FBXL7: variants seen among roughly 807,000 people sequenced by gnomAD.
FBXL7 encodes the protein F-box/LRR-repeat protein 7.
In FBXL7, 12 loss-of-function variants were observed where a neutral mutation model predicts 38.3. That is an observed-to-expected ratio of 0.31 (90% confidence interval 0.20 to 0.51). The LOEUF is 0.51. FBXL7 is among the 20% of genes least tolerant of loss of function. The probability of loss-of-function intolerance (pLI) is 0.98; values close to 1 mark genes in which losing one functional copy is unlikely to be tolerated. For missense variants in FBXL7, 567 were observed against 676.4 expected (o/e 0.84, Z 1.79); for synonymous variants, 297 against 300.9 (o/e 0.99, Z 0.13).
At chr5:15,534,374 A>ACTG (rs1554004141) in intron 1 of FBXL7, among the ~76,000 whole-genome samples, 1 of 152,110 alleles carries the variant, frequency 6.6e-6, no homozygotes, top group Non-Finnish European at 1.5e-5. Flanking sequence ...TGCCCTCTCC[A>ACTG]TTTTGCCTTT....
intron 2 of FBXL7, among the ~76,000 whole-genome samples, chr5:15,819,907 T>C (rs1179004054): frequency 6.6e-6 from 1 of 152,176 alleles, no homozygotes; most frequent in Admixed American, 6.5e-5. Context: ...TCATCTTCAG[T>C]GGTAGAATAC....
At chr5:15,918,461 T>G (rs1741656963) in intron 2 of FBXL7, among the ~76,000 whole-genome samples, 1 of 152,226 alleles carries the variant, frequency 6.6e-6, no homozygotes, top group Non-Finnish European at 1.5e-5. Context: ...ATTTCAAAAG[T>G]GCATTCTGTA....
At chr5:15,550,360 G>A (rs541621270) in intron 1 of FBXL7, among the ~76,000 whole-genome samples, 42 of 152,296 alleles carry the variant, frequency 2.8e-4, no homozygotes, top group African/African-American at 9.6e-4. Context: ...CTGAGATGGT[G>A]TGATTGGTAG....
intron 1 of FBXL7, among the ~76,000 whole-genome samples, chr5:15,560,889 A>T (rs191916115): frequency 2.0e-4 from 31 of 152,306 alleles, no homozygotes; most frequent in Admixed American, 1.4e-3. Context: ...ATTGACTCAT[A>T]CTGTCTTCTT....
chr5:15,631,372 G>C (rs749954540), intron 2 of FBXL7, among the ~76,000 whole-genome samples: 1 of 152,094 alleles, frequency 6.6e-6, no homozygotes, highest in Non-Finnish European at 1.5e-5. Flanking sequence ...CCTTGGTGTC[G>C]TGAAAATATA....
At chr5:15,786,176 G>A (rs763859595) in intron 2 of FBXL7, among the ~76,000 whole-genome samples, 5 of 152,252 alleles carry the variant, frequency 3.3e-5, no homozygotes, top group Middle Eastern at 3.4e-3. Context: ...CGTTTCTACC[G>A]GTGGGTGAAT....
intron 2 of FBXL7, among the ~76,000 whole-genome samples, chr5:15,684,856 AAGTT>A (rs1260655046): frequency 6.6e-6 from 1 of 152,206 alleles, no homozygotes; most frequent in African/African-American, 2.4e-5. Context: ...ACTCAGTAGA[AAGTT>A]AGAGAAAATG....
chr5:15,740,428 T>C (rs1017234725), intron 2 of FBXL7, among the ~76,000 whole-genome samples: 1 of 152,202 alleles, frequency 6.6e-6, no homozygotes, highest in Non-Finnish European at 1.5e-5. Context: ...AAATGAACTA[T>C]CTTTAAAAAA....
chr5:15,721,035 TA>T (rs2126652204), intron 2 of FBXL7, among the ~76,000 whole-genome samples: 1 of 152,282 alleles, frequency 6.6e-6, no homozygotes, highest in African/African-American at 2.4e-5. Flanking sequence ...TTTTACTCTT[TA>T]AAAAGATCAC....
chr5:15,836,681 G>A (rs202231990), intron 2 of FBXL7, among the ~76,000 whole-genome samples: 6 of 152,156 alleles, frequency 3.9e-5, no homozygotes, highest in East Asian at 1.9e-4. Flanking sequence ...AACTGAGTTC[G>A]GGAGGCAATA....
intron 2 of FBXL7, among the ~76,000 whole-genome samples, chr5:15,658,896 T>C (rs1561073268): frequency 6.6e-6 from 1 of 152,050 alleles, no homozygotes; most frequent in African/African-American, 2.4e-5. Context: ...TGCCTTTTGG[T>C]CTTTACTTCT....
chr5:15,787,112 G>A (rs1737151320), intron 2 of FBXL7, among the ~76,000 whole-genome samples: 1 of 152,210 alleles, frequency 6.6e-6, no homozygotes, highest in Admixed American at 6.5e-5. Context: ...AGCCTTCCCA[G>A]GGAGTGCCGC....
At chr5:15,656,140 A>G (rs768312736) in intron 2 of FBXL7, among the ~76,000 whole-genome samples, 1 of 152,216 alleles carries the variant, frequency 6.6e-6, no homozygotes, top group South Asian at 2.1e-4. Context: ...TGCAATAGAA[A>G]CTGGAACTAT....
chr5:15,815,620 C>T (rs1028995806), intron 2 of FBXL7, among the ~76,000 whole-genome samples: 13 of 152,098 alleles, frequency 8.5e-5, no homozygotes, highest in Admixed American at 6.6e-5. Context: ...CTATTTAGGA[C>T]AGGACAATTT....
At chr5:15,905,332 A>G (rs1355697672) in intron 2 of FBXL7, among the ~76,000 whole-genome samples, 1 of 152,158 alleles carries the variant, frequency 6.6e-6, no homozygotes, top group Non-Finnish European at 1.5e-5. Flanking sequence ...AACCATTTTA[A>G]AAGATGTGGT....
chr5:15,857,500 C>T (rs1487433925), intron 2 of FBXL7, among the ~76,000 whole-genome samples: 1 of 152,198 alleles, frequency 6.6e-6, no homozygotes, highest in South Asian at 2.1e-4. Context: ...ATGCTCTTCA[C>T]TTGCATGCTA....
intron 1 of FBXL7, among the ~76,000 whole-genome samples, chr5:15,530,033 C>G (rs947095985): frequency 7.9e-5 from 12 of 152,136 alleles, no homozygotes; most frequent in Non-Finnish European, 1.5e-5. Context: ...GTGTTTGGAA[C>G]TGTAGCAGGA....
At chr5:15,632,823 C>T (rs1056464663) in intron 2 of FBXL7, among the ~76,000 whole-genome samples, 9 of 151,982 alleles carry the variant, frequency 5.9e-5, no homozygotes, top group South Asian at 2.1e-4. Context: ...TGAGTACTCA[C>T]GGACATAAAG....
chr5:15,781,456 C>T (rs541528889), intron 2 of FBXL7, among the ~76,000 whole-genome samples: 69 of 149,738 alleles, frequency 4.6e-4, no homozygotes, highest in South Asian at 1.3e-3. Flanking sequence ...TGTGCGCGCG[C>T]GTGTGTGTGT....
Sources: allele counts gnomAD v4.1 joint callset (sites outside exome capture counted in the v4.1 genomes callset), GRCh38; gene constraint gnomAD v4.1.1; transcripts MANE v1.5; gene names NCBI Gene and HGNC (gene_info 2026-07-23, HGNC 2026-07-21).